PEPD: variants seen among roughly 807,000 people sequenced by gnomAD.
PEPD encodes peptidase D, also known as xaa-Pro dipeptidase.
PEPD carries 53 observed loss-of-function variants against 60.7 expected under a neutral mutation model. That is an observed-to-expected ratio of 0.87 (90% CI 0.70 to 1.10). The LOEUF (loss-of-function observed/expected upper bound fraction) is 1.10, where lower values mean the gene tolerates loss of function less well. Among genes scored for constraint, PEPD ranks in the 50% least tolerant of loss-of-function variants. The pLI, the probability that PEPD is intolerant of heterozygous loss-of-function variation, is 0.00. For synonymous variants in PEPD, 267 were observed against 284.1 expected (o/e 0.94, Z 0.60); for missense variants, 711 against 711.9 (o/e 1.00, Z 0.01).
At chr19:33,391,561 C>T in intron 12 of PEPD, 82 bp from the exon 13 acceptor site, 4 of 1,265,512 alleles carry the variant, frequency 3.2e-6, no homozygotes, top group Non-Finnish European at 4.5e-6. Flanking sequence ...ATGTGAAGCC[C>T]TCACACTGGC....
chr19:33,431,355 T>C (rs8103363), intron 9 of PEPD, among the ~76,000 whole-genome samples: 5,866 of 152,262 alleles, frequency 0.039, 169 homozygotes, highest in East Asian at 0.078. Context: ...AAAATCTGAA[T>C]GTCCAGGTCC....
intron 7 of PEPD, 80 bp downstream of exon 7, chr19:33,477,966 T>C (rs1970249478): frequency 5.4e-6 from 5 of 919,982 alleles, no homozygotes; most frequent in Non-Finnish European, 5.4e-6. Flanking sequence ...TCTGAGACGG[T>C]GTGGGCAGGA....
intron 11 of PEPD, among the ~76,000 whole-genome samples, chr19:33,411,166 A>G (rs535860684): frequency 6.6e-6 from 1 of 152,310 alleles, no homozygotes; most frequent in South Asian, 2.1e-4. Context: ...CCCTGCACGC[A>G]GCCACGGGTC....
chr19:33,509,499 G>A (rs144754310), intron 3 of PEPD, among the ~76,000 whole-genome samples: 90 of 152,318 alleles, frequency 5.9e-4, no homozygotes, highest in African/African-American at 2.0e-3. Flanking sequence ...CATGGCCAAC[G>A]AAGGCAGAAA....
At chr19:33,457,057 C>T (rs972829579) in intron 9 of PEPD, among the ~76,000 whole-genome samples, 16 of 149,482 alleles carry the variant, frequency 1.1e-4, no homozygotes, top group East Asian at 5.9e-4. Flanking sequence ...TAGCCCCACA[C>T]GGGAGGAGGA....
In PEPD at chr19:33,471,965, C is replaced by T. The variant is rs1970128320; in HGVS notation, c.548+6081G>A. Among the ~76,000 whole-genome samples the T allele has an allele frequency of 2.0e-5, 3 of 152,102 alleles. 1 individual carries two copies. In the South Asian group the frequency reaches 6.2e-4, roughly 32 times the overall value. ...TCACCTGAGGTCGGAAGTTCAAGAC[C>T]AGCCTGACCAACATGCAGGAACCCC... On this transcript the variant is annotated intron_variant, in intron 7 of 14. Coordinates refer to ENST00000244137, the MANE Select transcript of PEPD (RefSeq NM_000285.4).
chr19:33,508,454 T>C (rs1283840611), intron 3 of PEPD, among the ~76,000 whole-genome samples: 1 of 152,172 alleles, frequency 6.6e-6, no homozygotes, highest in Non-Finnish European at 1.5e-5. Context: ...CTCCAACACT[T>C]AGTGGAGTGC....
chr19:33,466,154 T>C (rs1246228189), intron 7 of PEPD, among the ~76,000 whole-genome samples: 1 of 152,206 alleles, frequency 6.6e-6, no homozygotes, highest in Non-Finnish European at 1.5e-5. Context: ...TTTCTGCAGA[T>C]AAAATCAATA....
chr19:33,501,394 A>G (rs527740613), intron 3 of PEPD, among the ~76,000 whole-genome samples: 1 of 152,264 alleles, frequency 6.6e-6, no homozygotes, highest in South Asian at 2.1e-4. Flanking sequence ...GAGCATCTTT[A>G]AAGGAAAGTT....
rs1187383119 is a variant in PEPD at position 33,387,957 on chromosome 19, A to G, written c.1277T>C (p.Leu426Pro). Residue 426 changes from leucine (L) to proline (P), a missense_variant, in exon 14 of 15, where the codon CTG (leucine) becomes CCG (proline). Coordinates refer to ENST00000244137, the MANE Select transcript of PEPD (RefSeq NM_000285.4). ...GAAGGAGGCGCGGGCCGGGTCCGCC[A>G]GGGCCTCATCCAGGAGGTGGTCGAT... ...YFIDHLLDEA[L>P]ADPARASFLN... 3.1e-6 allele frequency: 5 copies of G among 1,597,404 alleles called. No individual in the cohort carries two copies. Among genetic ancestry groups the G allele is most frequent in the African/African-American group, 1.3e-5 (1 of 74,778 alleles).
chr19:33,503,398 T>C (rs951093556), intron 3 of PEPD, among the ~76,000 whole-genome samples: 1 of 152,198 alleles, frequency 6.6e-6, no homozygotes, highest in African/African-American at 2.4e-5. Context: ...TCACATTCAC[T>C]TGTGCATTTG....
At chr19:33,457,127 C>T (rs935357049) in intron 9 of PEPD, among the ~76,000 whole-genome samples, 2 of 150,422 alleles carry the variant, frequency 1.3e-5, no homozygotes, top group African/African-American at 4.9e-5. Flanking sequence ...AGGAGGGACT[C>T]GGATGAAAAG....
In PEPD at chr19:33,480,574, ATCACGAGG is replaced by A. The variant is rs1314494884; in HGVS notation, c.504-2492_504-2485del. On this transcript the variant is annotated intron_variant, in intron 6 of 14. Coordinates refer to ENST00000244137, the MANE Select transcript of PEPD (RefSeq NM_000285.4). ...CACTTTGGGAGGCCAAGGCGGGTGGATCACGAGGTCAGGAGATCCAGACCATCCTGGCC... is the reference window on the plus strand; with the variant it reads ...CACTTTGGGAGGCCAAGGCGGGTGGATCAGGAGATCCAGACCATCCTGGCC... Among the ~76,000 whole-genome samples the A allele has an allele frequency of 1.3e-4, 20 of 152,174 alleles. 1 individual carries two copies. Among genetic ancestry groups the A allele is most frequent in the African/African-American group, 3.1e-4 (13 of 41,448 alleles).
chr19:33,480,624 G>A (rs987766350), intron 6 of PEPD, among the ~76,000 whole-genome samples: 3 of 152,080 alleles, frequency 2.0e-5, no homozygotes, highest in Admixed American at 6.6e-5. Flanking sequence ...GTGAAAACCC[G>A]TCTCTACTGA....
intron 9 of PEPD, among the ~76,000 whole-genome samples, chr19:33,432,264 T>C (rs1332319407): frequency 6.6e-6 from 1 of 152,172 alleles, no homozygotes; most frequent in Non-Finnish European, 1.5e-5. Flanking sequence ...CCACTTAGCC[T>C]TCTTCTCTGG....
At chr19:33,500,041 G>A (rs139422359) in intron 4 of PEPD, among the ~76,000 whole-genome samples, 203 of 152,344 alleles carry the variant, frequency 1.3e-3, no homozygotes, top group Middle Eastern at 6.8e-3. Flanking sequence ...CTGCAGCCCC[G>A]GCTCTTAGCA....
chr19:33,433,349 C>T (rs2145399456), intron 9 of PEPD, among the ~76,000 whole-genome samples: 1 of 152,328 alleles, frequency 6.6e-6, no homozygotes, highest in East Asian at 1.9e-4. Flanking sequence ...CACGCCCACT[C>T]CACAAACACA....
intron 11 of PEPD, among the ~76,000 whole-genome samples, chr19:33,411,452 C>G (rs1968769910): frequency 6.6e-6 from 1 of 152,194 alleles, no homozygotes; most frequent in Non-Finnish European, 1.5e-5. Flanking sequence ...CCTGCACCCT[C>G]TCTCTCAGTG....
rs554493850 is a variant in PEPD at position 33,459,792 on chromosome 19, T to C, written c.671+3203A>G. Among the ~76,000 whole-genome samples the C allele has an allele frequency of 2.2e-4, 33 of 152,172 alleles. No homozygotes were observed. The South Asian group carries it at 6.2e-3, about 29-fold the overall frequency. ...ATCGCTTGAGTCCTGGGGTGGGTGGTGTGTCCACCTTCGAGAAAACCAGCC... is the reference window on the plus strand; with the variant it reads ...ATCGCTTGAGTCCTGGGGTGGGTGGCGTGTCCACCTTCGAGAAAACCAGCC... On this transcript the variant is annotated intron_variant, in intron 9 of 14. Transcript: ENST00000244137.
Sources: gnomAD v4.1 joint callset for allele counts (sites outside exome capture counted in the v4.1 genomes callset) on GRCh38, gnomAD v4.1.1 for gene constraint, MANE v1.5 for transcripts, NCBI Gene and HGNC (gene_info 2026-07-23, HGNC 2026-07-21) for gene names.